Variants in ERO1A observed in about 807,000 individuals in gnomAD.
The protein encoded by ERO1A is endoplasmic reticulum oxidoreductase 1 alpha.
A neutral mutation model predicts 76.9 loss-of-function variants in ERO1A; 49 were observed. The ratio of observed to expected loss-of-function variants is 0.64; its 90% CI spans 0.51 to 0.81. ERO1A has a LOEUF of 0.81. Ranked by LOEUF, ERO1A falls within the 30% of genes least tolerant of loss-of-function variation. The pLI is 0.00. For missense variants in ERO1A, 448 were observed against 542.1 expected (o/e 0.83, Z 1.72); for synonymous variants, 174 against 181.2 (o/e 0.96, Z 0.32).
In ERO1A at chr14:52,646,671, T is replaced by C. The variant is rs985411501; in HGVS notation, c.1126-210A>G. On this transcript the variant is annotated intron_variant, in intron 13 of 15. Coordinates refer to ENST00000395686, the MANE Select transcript of ERO1A (RefSeq NM_014584.3). The stretch of plus-strand genomic sequence containing the variant: ...ACCACAAATCCAAAGGTAGTTATTA[T>C]TATAATCTACACCTAATGAATGTAA... 1.1e-5 allele frequency: 5 copies of C among 444,586 alleles called. No individual in the cohort carries two copies. The South Asian group carries it at 2.6e-4, about 24-fold the overall frequency. 27.5% of individuals were successfully genotyped at this position (444,586 alleles called of 1,614,324 possible). A position where few individuals can be genotyped will look rare whatever the true frequency, so the allele number is the denominator to read the frequency against.
At position 52,692,241 on chromosome 14, in the gene ERO1A, T is replaced by G. The variant is rs546909859; in HGVS notation, c.114+3127A>C. 2.8e-4 allele frequency among the ~76,000 whole-genome samples: 42 copies of G among 152,346 alleles called. 2 individuals are homozygous for G. In the South Asian group the frequency reaches 8.7e-3, roughly 32 times the overall value. Reference sequence around the variant, plus strand: ...AATTCATTTTTTGATCTCCCAAAAATTGTTCACAGTAGGTTTCAACATATG... The same window carrying G: ...AATTCATTTTTTGATCTCCCAAAAAGTGTTCACAGTAGGTTTCAACATATG... On this transcript the variant is annotated intron_variant, in intron 1 of 15. Coordinates refer to ENST00000395686, the MANE Select transcript of ERO1A (RefSeq NM_014584.3).
chr14:52,664,988 G>A (rs1034439553), intron 7 of ERO1A, among the ~76,000 whole-genome samples: 11 of 152,004 alleles, frequency 7.2e-5, no homozygotes, highest in South Asian at 6.2e-4. Flanking sequence ...CAACAGGGCC[G>A]GGCGTGGTGG....
chr14:52,671,928 T>C, intron 4 of ERO1A, 57 bp from the exon 5 acceptor site: 1 of 1,177,396 alleles, frequency 8.5e-7, no homozygotes. Flanking sequence ...AAAACTTGTT[T>C]AAAATTTAGA....
At chr14:52,645,195 G>T (rs1389998383) in intron 15 of ERO1A, among the ~76,000 whole-genome samples, 1 of 151,230 alleles carries the variant, frequency 6.6e-6, no homozygotes, top group African/African-American at 2.4e-5. Flanking sequence ...AAAAATAATT[G>T]GATAAAAAAA....
chr14:52,656,711 C>CAA (rs34369320), intron 11 of ERO1A, among the ~76,000 whole-genome samples: 10 of 103,564 alleles, frequency 9.7e-5, no homozygotes, highest in East Asian at 2.8e-4. Context: ...GACTCTGTCT[C>CAA]AAAAAAAAAA....
chr14:52,663,702 T>G (rs1299009922), intron 8 of ERO1A, 99 bp downstream of exon 8: 1 of 716,476 alleles, frequency 1.4e-6, no homozygotes, highest in Non-Finnish European at 2.5e-6. Context: ...GTGGATTATA[T>G]GACTTCAACT....
intron 3 of ERO1A, among the ~76,000 whole-genome samples, chr14:52,680,100 A>C (rs1414351502): frequency 2.0e-5 from 3 of 148,402 alleles, no homozygotes; most frequent in African/African-American, 4.9e-5. Flanking sequence ...AAAAAAAAAA[A>C]AAACAAAGTA....
At chr14:52,650,081 T>C (rs1566634894) in intron 13 of ERO1A, among the ~76,000 whole-genome samples, 2 of 151,982 alleles carry the variant, frequency 1.3e-5, no homozygotes, top group Non-Finnish European at 2.9e-5. Context: ...TAGCAGGGCA[T>C]AGTGGTGCCA....
chr14:52,645,518 C>T (rs1007649128), intron 15 of ERO1A, among the ~76,000 whole-genome samples: 3 of 150,822 alleles, frequency 2.0e-5, no homozygotes, highest in African/African-American at 4.9e-5. Context: ...GAACTCCTGG[C>T]CTCAAGTGAT....
chr14:52,652,762 G>A (rs1410771586), intron 12 of ERO1A, among the ~76,000 whole-genome samples: 1 of 152,178 alleles, frequency 6.6e-6, no homozygotes, highest in African/African-American at 2.4e-5. Flanking sequence ...GGGAGGCCAA[G>A]GTGGGTGGAT....
At chr14:52,662,566 A>G (rs1463040342) in intron 8 of ERO1A, among the ~76,000 whole-genome samples, 4 of 152,268 alleles carry the variant, frequency 2.6e-5, no homozygotes, top group African/African-American at 9.6e-5. Context: ...ATAAGGATAC[A>G]TAATTTCTAA....
At chr14:52,645,205 ACTG>A (rs1566633190) in intron 15 of ERO1A, among the ~76,000 whole-genome samples, 2 of 152,230 alleles carry the variant, frequency 1.3e-5, no homozygotes, top group African/African-American at 4.8e-5. Flanking sequence ...GGATAAAAAA[ACTG>A]CTTTTAAGCA....
intron 11 of ERO1A, among the ~76,000 whole-genome samples, chr14:52,655,151 G>A (rs2040001875): frequency 6.6e-6 from 1 of 152,264 alleles, no homozygotes; most frequent in Admixed American, 6.5e-5. Context: ...TGGATCACGA[G>A]GTCAGGAGTT....
At chr14:52,684,031 T>C (rs986904000) in intron 1 of ERO1A, 124 bp from the exon 2 acceptor site, 1 of 621,970 alleles carries the variant, frequency 1.6e-6, no homozygotes, top group South Asian at 2.7e-5. Flanking sequence ...TCCTCCCACA[T>C]AGTTTCTTGA....
chr14:52,653,111 T>C lies in ERO1A; in HGVS notation c.1013A>G (p.Glu338Gly), dbSNP rs758675597. The C allele has an allele frequency of 1.3e-6, 2 of 1,590,838 alleles. No individual in the cohort carries two copies. The highest frequency in any genetic ancestry group is 1.7e-6 in the Non-Finnish European group (2 of 1,159,094). ...TTCCAGAAGTAACATTTTGTTTTCCTCATCCTGAATTTTATTTCCAGTAAA... is the reference window on the plus strand; with the variant it reads ...TTCCAGAAGTAACATTTTGTTTTCCCCATCCTGAATTTTATTTCCAGTAAA... The part of the protein sequence containing the change: ...QLFTGNKIQD[E>G]ENKMLLLEIL... The change falls in exon 12 of 16, where the codon GAG becomes GGG. Residue 338 changes from glutamate to glycine, a missense_variant. This residue lies in a region of ERO1A where 302 missense variants were observed against 411.9 expected (regional missense o/e 0.73). Transcript: ENST00000395686.
chr14:52,660,570 C>T (rs2040198416), intron 9 of ERO1A, among the ~76,000 whole-genome samples: 1 of 152,074 alleles, frequency 6.6e-6, no homozygotes, highest in Non-Finnish European at 1.5e-5. Context: ...ATATAAAGCA[C>T]AATAATAAAA....
At position 52,646,255 on chromosome 14, in the gene ERO1A, T is replaced by C; in HGVS notation, c.1245A>G (p.Leu415=). 1 of 1,613,786 alleles carries C rather than the reference T, an allele frequency of 6.2e-7. No homozygotes were observed. ...TATTTGCTATCAATTTCTCAGAAAA[T>C]AAGATCTTCAGAGCAGTGCCCAAAC... ...TQGLGTALKI[L]FSEKLIANMP... is the part of the protein sequence containing the mutation. Residue 415 remains leucine (L), a synonymous_variant, in exon 15 of 16, where the codon TTA becomes TTG. Coordinates refer to ENST00000395686, the MANE Select transcript of ERO1A (RefSeq NM_014584.3).
At chr14:52,670,598 C>A (rs1007400198) in intron 6 of ERO1A, among the ~76,000 whole-genome samples, 1 of 152,164 alleles carries the variant, frequency 6.6e-6, no homozygotes, top group Non-Finnish European at 1.5e-5. Context: ...AGCACTCTGG[C>A]TTAACTTCAG....
chr14:52,687,251 C>G (rs1401624204), intron 1 of ERO1A, among the ~76,000 whole-genome samples: 1 of 151,992 alleles, frequency 6.6e-6, no homozygotes, highest in Non-Finnish European at 1.5e-5. Context: ...CATGGTAAAA[C>G]CCTGTCTCAA....
Sources: allele counts gnomAD v4.1 joint callset (sites outside exome capture counted in the v4.1 genomes callset), GRCh38; gene constraint gnomAD v4.1.1; regional missense constraint gnomAD v4.1.1; transcripts MANE v1.5; gene names NCBI Gene and HGNC (gene_info 2026-07-23, HGNC 2026-07-21).